TMEM236: variants seen among roughly 807,000 people sequenced by gnomAD.
The protein encoded by TMEM236 is transmembrane protein 236, also known as family with sequence similarity 23, member A.
In TMEM236, 11 loss-of-function variants were observed where a neutral mutation model predicts 14.7. The observed-to-expected ratio is 0.75, with a 90% CI of 0.47 to 1.24. TMEM236 has a LOEUF of 1.24. Ranked by LOEUF, TMEM236 falls within the 50% of genes most tolerant of loss-of-function variation. The pLI is 0.00. For synonymous variants in TMEM236, 182 were observed against 168.6 expected, an observed-to-expected ratio of 1.08 and a Z score of -0.62; for missense variants, 464 against 427.3, an observed-to-expected ratio of 1.09 and a Z score of -0.76.
intron 3 of TMEM236, among the ~76,000 whole-genome samples, chr10:17,778,420 T>G (rs1279356661): frequency 6.6e-6 from 1 of 152,218 alleles, no homozygotes; most frequent in African/African-American, 2.4e-5. Flanking sequence ...ATCCATGAGG[T>G]TTTCTCATTT....
At chr10:17,776,860 CA>C (rs1837665677) in intron 3 of TMEM236, among the ~76,000 whole-genome samples, 1 of 152,202 alleles carries the variant, frequency 6.6e-6, no homozygotes, top group Non-Finnish European at 1.5e-5. Context: ...TTGGCCCTTA[CA>C]AAAAGATATT....
At chr10:17,792,862 G>A (rs1462807709) in intron 3 of TMEM236, among the ~76,000 whole-genome samples, 2 of 152,192 alleles carry the variant, frequency 1.3e-5, no homozygotes, top group Non-Finnish European at 1.5e-5. Context: ...CCAGCTCTAA[G>A]TGGACATTTA....
chr10:17,777,154 A>C (rs1837670091), intron 3 of TMEM236, among the ~76,000 whole-genome samples: 1 of 152,084 alleles, frequency 6.6e-6, no homozygotes, highest in Middle Eastern at 3.4e-3. Context: ...CCTTCCAGTC[A>C]CTCTTGCTGC....
At chr10:17,778,686 A>G (rs1837697060) in intron 3 of TMEM236, among the ~76,000 whole-genome samples, 1 of 152,222 alleles carries the variant, frequency 6.6e-6, no homozygotes, top group Non-Finnish European at 1.5e-5. Context: ...AGCTAGCAGC[A>G]GTTTGGACTT....
rs970336980 is a variant in TMEM236, at chr10:17,781,518, G to T, written c.472+5348G>T. On this transcript the variant is annotated intron_variant, in intron 3 of 3. Transcript: ENST00000377495. The stretch of plus-strand genomic sequence containing the variant: ...TTTGTGGGGCTGAGGTTGGGGGTGG[G>T]GGGGATCACCTGAGGTCAGGAGTTT... Among the ~76,000 whole-genome samples, 572 of 152,126 alleles carry T rather than the reference G, an allele frequency of 3.8e-3. 1 individual carries two copies. The highest frequency in any genetic ancestry group is 0.013 in the African/African-American group (539 of 41,496).
intron 3 of TMEM236, among the ~76,000 whole-genome samples, chr10:17,795,266 A>G (rs1375628710): frequency 6.6e-6 from 1 of 152,170 alleles, no homozygotes; most frequent in Admixed American, 6.6e-5. Flanking sequence ...AGCAGCCATA[A>G]AGTTAAGAGT....
rs997801723 is a variant in TMEM236 at position 17,776,901 on chromosome 10, C to T, written c.472+731C>T. On this transcript the variant is annotated intron_variant, in intron 3 of 3. Transcript: ENST00000377495. ...TAATGGAATATTTTATTTATTTAGT[C>T]GTAAATTACTCCAGCTTTCATTAAA... is the stretch of plus-strand genomic sequence containing the variant. 9.3e-4 allele frequency among the ~76,000 whole-genome samples: 142 copies of T among 152,260 alleles called. 1 individual carries two copies. Among genetic ancestry groups the T allele is most frequent in the African/African-American group, 3.4e-3 (141 of 41,540 alleles).
intron 1 of TMEM236, among the ~76,000 whole-genome samples, chr10:17,770,377 TTTAA>T (rs1393715159): frequency 6.6e-6 from 1 of 152,134 alleles, no homozygotes; most frequent in African/African-American, 2.4e-5. Flanking sequence ...TTTCTATTTT[TTTAA>T]TTAATTAATT....
At position 17,799,257 on chromosome 10, in the gene TMEM236, C is replaced by G. The variant is rs1838060616; in HGVS notation, c.*2753C>G. 6.4e-6 allele frequency: 1 copy of G among 156,092 alleles called. No homozygotes were observed. The highest frequency in any genetic ancestry group is 2.4e-5 in the African/African-American group (1 of 41,446). The allele number at this position is 156,092 out of a possible 1,614,324, so 9.7% of individuals were successfully genotyped here. A position where few individuals can be genotyped will look rare whatever the true frequency, so the allele number is the denominator to read the frequency against. The stretch of plus-strand genomic sequence containing the variant: ...GCATCTTGTTTAACAATGCATCTCT[C>G]TCTTCATCAATCAACGCTGCAGGTG... On this transcript the variant is annotated 3_prime_UTR_variant, in exon 4 of 4. Coordinates refer to ENST00000377495, the MANE Select transcript of TMEM236 (RefSeq NM_001098844.3).
chr10:17,790,758 T>C (rs965716696), intron 3 of TMEM236, among the ~76,000 whole-genome samples: 4 of 152,258 alleles, frequency 2.6e-5, no homozygotes, highest in African/African-American at 9.6e-5. Flanking sequence ...CATTCATTTT[T>C]AGATTCCTCT....
chr10:17,791,606 C>T (rs897611686), intron 3 of TMEM236, among the ~76,000 whole-genome samples: 1 of 152,142 alleles, frequency 6.6e-6, no homozygotes, highest in Non-Finnish European at 1.5e-5. Context: ...TCTCTGCATC[C>T]CCCACCTCTC....
rs555453530 is a variant in TMEM236, at chr10:17,768,642, G to A, written c.258-2667G>A. On this transcript the variant is annotated intron_variant, in intron 1 of 3. Coordinates refer to ENST00000377495, the MANE Select transcript of TMEM236 (RefSeq NM_001098844.3). The stretch of plus-strand genomic sequence containing the variant: ...TCCGGGCTTCCACAGAACTTACCTC[G>A]GGGGATGAGGAAAGAGGAAGATGAC... 6.8e-4 allele frequency among the ~76,000 whole-genome samples: 104 copies of A among 152,114 alleles called. No homozygotes were observed. The East Asian group carries it at 0.017, about 25-fold the overall frequency.
intron 3 of TMEM236, among the ~76,000 whole-genome samples, chr10:17,794,879 TTA>T (rs1837985646): frequency 6.6e-6 from 1 of 152,034 alleles, no homozygotes. Context: ...CTACTAAAAG[TTA>T]GCCAGGCATG....
In TMEM236 at chr10:17,799,004, G is replaced by T. The variant is rs1411624701; in HGVS notation, c.*2500G>T. ...TGAAAAATAATACATACAATCTTAA[G>T]GTTACTTCAGACTATACTTTTTCAT... On this transcript the variant is annotated 3_prime_UTR_variant, in exon 4 of 4. Transcript: ENST00000377495. 4 of 289,546 alleles carry T rather than the reference G, an allele frequency of 1.4e-5. No individual in the cohort carries two copies. The highest frequency in any genetic ancestry group is 6.7e-5 in the African/African-American group (3 of 45,094). 17.9% of individuals were successfully genotyped at this position (289,546 alleles called of 1,614,324 possible).
chr10:17,783,103 G>A (rs1473496969), intron 3 of TMEM236, among the ~76,000 whole-genome samples: 1 of 152,162 alleles, frequency 6.6e-6, no homozygotes, highest in African/African-American at 2.4e-5. Flanking sequence ...CAAAACAGAA[G>A]CTGGGGATGG....
intron 1 of TMEM236, among the ~76,000 whole-genome samples, chr10:17,769,249 G>T (rs1330182017): frequency 2.6e-5 from 4 of 152,342 alleles, no homozygotes; most frequent in Non-Finnish European, 5.9e-5. Flanking sequence ...CAGAAAAGGA[G>T]TTTGAAGTGG....
intron 3 of TMEM236, among the ~76,000 whole-genome samples, chr10:17,788,404 G>A (rs903256733): frequency 3.3e-5 from 5 of 151,490 alleles, no homozygotes; most frequent in African/African-American, 1.2e-4. Flanking sequence ...AGCAACACTT[G>A]TCGAGTGTTA....
rs968900340 is a variant in TMEM236 at position 17,799,551 on chromosome 10, C to A, written c.*3047C>A. 1 of 152,096 alleles carries A rather than the reference C, an allele frequency of 6.6e-6. No homozygotes were observed. The highest frequency in any genetic ancestry group is 2.4e-5 in the African/African-American group (1 of 41,334). 9.4% of individuals were successfully genotyped at this position (152,096 alleles called of 1,614,324 possible). A position where few individuals can be genotyped will look rare whatever the true frequency, so the allele number is the denominator to read the frequency against. On this transcript the variant is annotated 3_prime_UTR_variant, in exon 4 of 4. Coordinates refer to ENST00000377495, the MANE Select transcript of TMEM236 (RefSeq NM_001098844.3). Reference sequence around the variant, plus strand: ...CAGAGGTTGCAATGAGCTGAGATTGCGCCATTGCACACCAGCCTGGGTGAC... The same window carrying A: ...CAGAGGTTGCAATGAGCTGAGATTGAGCCATTGCACACCAGCCTGGGTGAC...
chr10:17,792,938 C>T (rs555166801), intron 3 of TMEM236, among the ~76,000 whole-genome samples: 14 of 152,310 alleles, frequency 9.2e-5, no homozygotes, highest in African/African-American at 3.4e-4. Flanking sequence ...ATCCATGACC[C>T]TGTACTTTGC....
Sources: allele counts gnomAD v4.1 joint callset (sites outside exome capture counted in the v4.1 genomes callset), GRCh38; gene constraint gnomAD v4.1.1; transcripts MANE v1.5; gene names NCBI Gene and HGNC (gene_info 2026-07-23, HGNC 2026-07-21).